Variants in PPP2R5E observed in about 807,000 individuals in gnomAD.
PPP2R5E encodes serine/threonine-protein phosphatase 2A 56 kDa regulatory subunit epsilon isoform.
Under a neutral mutation model 65.3 loss-of-function variants are expected in PPP2R5E, and 4 were observed. The observed-to-expected ratio is 0.06, with a 90% CI of 0.03 to 0.14. The LOEUF (loss-of-function observed/expected upper bound fraction) is 0.14. PPP2R5E is among the 10% of genes least tolerant of loss of function. The probability of loss-of-function intolerance (pLI) is 1.00; values close to 1 mark genes in which losing one functional copy is unlikely to be tolerated. For missense variants in PPP2R5E, 274 were observed against 556.1 expected (o/e 0.49, Z 5.10); for synonymous variants, 183 against 187.4 (o/e 0.98, Z 0.19).
intron 2 of PPP2R5E, among the ~76,000 whole-genome samples, chr14:63,457,008 G>T (rs201995108): frequency 6.6e-6 from 1 of 152,124 alleles, no homozygotes; most frequent in Non-Finnish European, 1.5e-5. Flanking sequence ...CCAAAAGGGG[G>T]TTCTTAAAGA....
intron 2 of PPP2R5E, among the ~76,000 whole-genome samples, chr14:63,527,611 A>C (rs1594974234): frequency 6.6e-6 from 1 of 152,156 alleles, no homozygotes; most frequent in Non-Finnish European, 1.5e-5. Context: ...TTACTCTCCC[A>C]GTTTTAGAGA....
At chr14:63,532,605 TA>T (rs1893482684) in intron 2 of PPP2R5E, among the ~76,000 whole-genome samples, 1 of 152,166 alleles carries the variant, frequency 6.6e-6, no homozygotes, top group Non-Finnish European at 1.5e-5. Flanking sequence ...AAACCCCCAT[TA>T]AATAACAACA....
At chr14:63,493,475 C>T (rs993164062) in intron 2 of PPP2R5E, among the ~76,000 whole-genome samples, 2 of 117,670 alleles carry the variant, frequency 1.7e-5, no homozygotes, top group Non-Finnish European at 3.2e-5. Flanking sequence ...GCCAAATTAC[C>T]GCGCGCGCGT....
chr14:63,423,736 A>C (rs74060084), intron 3 of PPP2R5E, among the ~76,000 whole-genome samples: 2,326 of 152,356 alleles, frequency 0.015, 58 homozygotes, highest in African/African-American at 0.053. Context: ...TTATTCATCC[A>C]GTAAATAATT....
At chr14:63,384,706 A>G in intron 11 of PPP2R5E, 135 bp from the exon 12 acceptor site, 1 of 665,816 alleles carries the variant, frequency 1.5e-6, no homozygotes, top group East Asian at 3.2e-5. Context: ...TTAAATATTA[A>G]TCACATTTTA....
intron 5 of PPP2R5E, among the ~76,000 whole-genome samples, chr14:63,403,697 T>C (rs1267880013): frequency 1.3e-5 from 2 of 151,252 alleles, no homozygotes; most frequent in African/African-American, 4.9e-5. Flanking sequence ...TGAGAAGGGC[T>C]GTATGGTTAC....
Position 63,509,267 on chromosome 14 carries a change from CTTTTTT to C in PPP2R5E, c.157+30256_157+30261del, listed in dbSNP as rs10553696. Among the ~76,000 whole-genome samples, 341 of 108,056 alleles carry C rather than the reference CTTTTTT, an allele frequency of 3.2e-3. 1 individual carries two copies. Among genetic ancestry groups the C allele is most frequent in the African/African-American group, 0.012 (314 of 26,066 alleles). 70.9% of individuals were successfully genotyped at this position (108,056 alleles called of 152,430 possible). ...AGAATTACCTTTATTTTAAAATATC[CTTTTTT>C]TTTTTTTTTTTTTTTTTTTGAAACA... On this transcript the variant is annotated intron_variant, in intron 2 of 13. Coordinates refer to ENST00000337537, the MANE Select transcript of PPP2R5E (RefSeq NM_006246.5).
intron 2 of PPP2R5E, among the ~76,000 whole-genome samples, chr14:63,475,558 C>G (rs1446580211): frequency 6.6e-6 from 1 of 152,184 alleles, no homozygotes; most frequent in East Asian, 1.9e-4. Flanking sequence ...CAATATATCA[C>G]TGTTTTTTTA....
intron 5 of PPP2R5E, among the ~76,000 whole-genome samples, chr14:63,397,327 C>A (rs1344270184): frequency 6.6e-6 from 1 of 151,934 alleles, no homozygotes; most frequent in Non-Finnish European, 1.5e-5. Context: ...CATGGTGAAA[C>A]CCCGTCTCTA....
intron 2 of PPP2R5E, among the ~76,000 whole-genome samples, chr14:63,520,252 G>C (rs1001089164): frequency 6.6e-6 from 1 of 151,394 alleles, no homozygotes; most frequent in African/African-American, 2.4e-5. Flanking sequence ...AGCCAGGATG[G>C]TCTCGATCTT....
chr14:63,520,859 CAAAAAAAAAAA>C (rs748146106), intron 2 of PPP2R5E, among the ~76,000 whole-genome samples: 1,547 of 58,536 alleles, frequency 0.026, 25 homozygotes, highest in African/African-American at 0.057. Flanking sequence ...ACTAAAAATA[CAAAAAAAAAAA>C]AAAAAAAAAA....
chr14:63,423,081 G>A (rs1355363417), intron 3 of PPP2R5E, among the ~76,000 whole-genome samples: 2 of 152,136 alleles, frequency 1.3e-5, no homozygotes, highest in Non-Finnish European at 2.9e-5. Context: ...TATTACTTCT[G>A]TATATGTTAC....
rs1288273792 is a variant in PPP2R5E, at chr14:63,384,521, C to T, written c.1125G>A (p.Leu375=). The change falls in exon 12 of 14, where the codon TTG becomes TTA. Residue 375 remains leucine (L), a synonymous_variant. Transcript: ENST00000337537. ...YYWNNEYIMS[L]IEENSNVILP... ...GGATGACGTTAGAGTTTTCTTCTAT[C>T]AAACTCATGATGTATTCATTATTCC... The T allele has an allele frequency of 6.2e-7, 1 of 1,613,658 alleles. No homozygotes were observed. Among genetic ancestry groups the T allele is most frequent in the Admixed American group, 1.7e-5 (1 of 59,992 alleles).
chr14:63,416,087 C>T (rs1159836334), intron 4 of PPP2R5E, among the ~76,000 whole-genome samples: 1 of 152,188 alleles, frequency 6.6e-6, no homozygotes, highest in Non-Finnish European at 1.5e-5. Context: ...GGAATCACTG[C>T]GTATTCTCTT....
chr14:63,416,813 A>AT (rs1337493290), intron 4 of PPP2R5E, among the ~76,000 whole-genome samples: 5 of 152,088 alleles, frequency 3.3e-5, no homozygotes, highest in Non-Finnish European at 7.4e-5. Flanking sequence ...TGTAAGACAG[A>AT]TTTTCATCTG....
At chr14:63,505,280 C>T (rs1205554368) in intron 2 of PPP2R5E, among the ~76,000 whole-genome samples, 1 of 152,086 alleles carries the variant, frequency 6.6e-6, no homozygotes, top group East Asian at 1.9e-4. Context: ...GAGTGAGACT[C>T]TGTCAAATAA....
chr14:63,438,102 G>T (rs1391564861), intron 3 of PPP2R5E, among the ~76,000 whole-genome samples: 1 of 152,190 alleles, frequency 6.6e-6, no homozygotes, highest in Non-Finnish European at 1.5e-5. Context: ...TTAAATACTG[G>T]TCAGCAGCCA....
At chr14:63,478,024 A>T (rs899500968) in intron 2 of PPP2R5E, among the ~76,000 whole-genome samples, 6 of 152,168 alleles carry the variant, frequency 3.9e-5, no homozygotes, top group African/African-American at 1.4e-4. Flanking sequence ...TCTACTTCAA[A>T]TGGGGAAATA....
chr14:63,501,349 G>C (rs1891871107), intron 2 of PPP2R5E, among the ~76,000 whole-genome samples: 1 of 150,612 alleles, frequency 6.6e-6, no homozygotes, highest in Non-Finnish European at 1.5e-5. Context: ...AGCTTGCAGT[G>C]AGCCGATACA....
Sources: allele counts gnomAD v4.1 joint callset (sites outside exome capture counted in the v4.1 genomes callset), GRCh38; gene constraint gnomAD v4.1.1; transcripts MANE v1.5; gene names NCBI Gene and HGNC (gene_info 2026-07-23, HGNC 2026-07-21).